The following TENM2 variants were observed in gnomAD, a reference collection of about 807,000 sequenced individuals.
TENM2 encodes the protein teneurin transmembrane protein 2.
A neutral mutation model predicts 245.2 loss-of-function variants in TENM2; 52 were observed. The ratio of observed to expected loss-of-function variants is 0.21; its 90% CI spans 0.17 to 0.27. The LOEUF is 0.27. Ranked by LOEUF, TENM2 falls within the 10% of genes least tolerant of loss-of-function variation. The pLI, the probability that TENM2 is intolerant of heterozygous loss-of-function variation, is 1.00. For missense variants in TENM2, 3,046 were observed against 3,666.8 expected (o/e 0.83, Z 4.37); for synonymous variants, 1,363 against 1,438.9 (o/e 0.95, Z 1.19).
At chr5:167,114,928 C>A in the TENM2 span, among the ~76,000 whole-genome samples, 1 of 152,154 alleles carries the variant, frequency 6.6e-6, no homozygotes, top group Non-Finnish European at 1.5e-5. Context: ...GGGGATATGC[C>A]TTAGCAATGC....
At chr5:167,895,084 CAG>C (rs1331373459) in intron 3 of TENM2, among the ~76,000 whole-genome samples, 1 of 152,060 alleles carries the variant, frequency 6.6e-6, no homozygotes, top group Non-Finnish European at 1.5e-5. Flanking sequence ...TTAAGAAAAA[CAG>C]AGTCGTAAAA....
At chr5:167,260,551 C>T in the TENM2 span, among the ~76,000 whole-genome samples, 4 of 152,182 alleles carry the variant, frequency 2.6e-5, no homozygotes, top group African/African-American at 9.7e-5. Flanking sequence ...TAAATTGAAT[C>T]TAATAGTATA....
chr5:168,253,631 T>C (rs1046768316), intron 27 of TENM2, among the ~76,000 whole-genome samples: 6 of 151,988 alleles, frequency 3.9e-5, no homozygotes, highest in Admixed American at 2.0e-4. Flanking sequence ...TTCACCGTGT[T>C]AGCCAGGATG....
At chr5:167,337,494 G>T (rs368215533) in intron 1 of TENM2, among the ~76,000 whole-genome samples, 1 of 152,184 alleles carries the variant, frequency 6.6e-6, no homozygotes, top group Non-Finnish European at 1.5e-5. Flanking sequence ...GATTTATAAT[G>T]AAGAGGCATA....
At chr5:167,794,691 G>A (rs1765203931) in intron 2 of TENM2, among the ~76,000 whole-genome samples, 1 of 152,206 alleles carries the variant, frequency 6.6e-6, no homozygotes, top group African/African-American at 2.4e-5. Flanking sequence ...CACAAAGTTA[G>A]AAACACTGTG....
intron 25 of TENM2, among the ~76,000 whole-genome samples, chr5:168,231,451 G>A (rs1764891362): frequency 6.6e-6 from 1 of 152,220 alleles, no homozygotes; most frequent in Admixed American, 6.5e-5. Flanking sequence ...GTGTGGCAGT[G>A]GATGTGTTAG....
At chr5:167,495,646 G>A (rs1023157073) in intron 2 of TENM2, among the ~76,000 whole-genome samples, 8 of 152,076 alleles carry the variant, frequency 5.3e-5, no homozygotes, top group South Asian at 2.1e-4. Context: ...TCTGAGATCC[G>A]GATTGTTCTT....
intron 2 of TENM2, among the ~76,000 whole-genome samples, chr5:167,719,498 T>A (rs1759482669): frequency 6.6e-6 from 1 of 152,170 alleles, no homozygotes; most frequent in South Asian, 2.1e-4. Context: ...AAAAGATGTG[T>A]TTCTAAGGAG....
chr5:167,016,536 T>C, the TENM2 span, among the ~76,000 whole-genome samples: 18 of 152,200 alleles, frequency 1.2e-4, no homozygotes, highest in African/African-American at 3.6e-4. Flanking sequence ...TCTTAACTTT[T>C]GTGTTGAACA....
At chr5:167,384,263 A>G (rs891821133) in intron 2 of TENM2, among the ~76,000 whole-genome samples, 4 of 152,178 alleles carry the variant, frequency 2.6e-5, no homozygotes, top group Non-Finnish European at 5.9e-5. Flanking sequence ...TAAACATTAT[A>G]TATGTTAGCA....
rs78545933 is a variant in TENM2, at chr5:167,610,174, T to G, written c.502+234701T>G. Among the ~76,000 whole-genome samples, 3 of 152,046 alleles carry G rather than the reference T, an allele frequency of 2.0e-5. No individual in the cohort carries two copies. In the East Asian group the frequency reaches 5.8e-4, roughly 29 times the overall value. ...CAAACAGCCAGGCAGAAGAGAAGCA[T>G]AGGACAAGGTATTGGCAAGGTATAG... On this transcript the variant is annotated intron_variant, in intron 2 of 28. Coordinates refer to ENST00000518659, the Ensembl canonical transcript of TENM2.
At chr5:168,097,738 C>T (rs1345478659) in intron 8 of TENM2, among the ~76,000 whole-genome samples, 1 of 152,074 alleles carries the variant, frequency 6.6e-6, no homozygotes, top group East Asian at 1.9e-4. Flanking sequence ...AGCTGTGAGC[C>T]ACTGTGATTG....
chr5:167,614,103 A>C (rs952218744), intron 2 of TENM2, among the ~76,000 whole-genome samples: 2 of 152,054 alleles, frequency 1.3e-5, no homozygotes, highest in African/African-American at 4.8e-5. Flanking sequence ...GGATGAATAA[A>C]TTACATAACT....
In TENM2 at chr5:168,160,859, C is replaced by G. The variant is rs114392619; in HGVS notation, c.2423-1752C>G. ...TGGGCAACATAGCAAGACCCAATCT[C>G]TACTAAAAATTAAAAAGAAAAAATC... On this transcript the variant is annotated intron_variant, in intron 12 of 28. Coordinates refer to ENST00000518659, the Ensembl canonical transcript of TENM2. Among the ~76,000 whole-genome samples the G allele has an allele frequency of 6.0e-3, 917 of 152,170 alleles. 12 individuals carry two copies. Among genetic ancestry groups the G allele is most frequent in the African/African-American group, 0.02 (825 of 41,478 alleles).
intron 2 of TENM2, among the ~76,000 whole-genome samples, chr5:167,468,129 G>T (rs1161101147): frequency 2.0e-5 from 3 of 152,084 alleles, no homozygotes; most frequent in African/African-American, 7.2e-5. Context: ...TAGAGACGGG[G>T]TTTCACCATG....
intron 1 of TENM2, among the ~76,000 whole-genome samples, chr5:167,351,146 A>T (rs1037755811): frequency 7.4e-6 from 1 of 134,376 alleles, no homozygotes; most frequent in African/African-American, 2.5e-5. Flanking sequence ...GGATATATAC[A>T]TATGGATTAT....
chr5:167,761,315 C>T (rs1260287173), intron 2 of TENM2, among the ~76,000 whole-genome samples: 1 of 152,152 alleles, frequency 6.6e-6, no homozygotes, highest in East Asian at 1.9e-4. Flanking sequence ...ATAAGCTCAA[C>T]CAGGGCAGGA....
intron 2 of TENM2, among the ~76,000 whole-genome samples, chr5:167,522,741 G>T (rs1184512266): frequency 6.6e-6 from 1 of 151,852 alleles, no homozygotes; most frequent in Non-Finnish European, 1.5e-5. Context: ...AGAGTAGCTG[G>T]CCCTGGGAGA....
At chr5:167,431,970 T>TGTTTATATATATATATATATAC (rs1554150945) in intron 2 of TENM2, among the ~76,000 whole-genome samples, 1 of 135,528 alleles carries the variant, frequency 7.4e-6, no homozygotes, top group Non-Finnish European at 1.6e-5. Flanking sequence ...TGTATATATA[T>TGTTTATATATATATATATATAC]ATATATATGG....
Sources: gnomAD v4.1 joint callset for allele counts (sites outside exome capture counted in the v4.1 genomes callset) on GRCh38, gnomAD v4.1.1 for gene constraint, MANE v1.5 for transcripts, NCBI Gene and HGNC (gene_info 2026-07-23, HGNC 2026-07-21) for gene names.